Variants in ZNF438 observed in about 807,000 individuals in gnomAD.
ZNF438 encodes the protein zinc finger protein 438.
A neutral mutation model predicts 38.0 loss-of-function variants in ZNF438; 25 were observed. The observed-to-expected ratio is 0.66, with a 90% CI of 0.48 to 0.92. The LOEUF is 0.92. Ranked by LOEUF, ZNF438 falls within the 40% of genes least tolerant of loss-of-function variation. ZNF438 has a pLI of 0.00. For synonymous variants in ZNF438, 372 were observed against 364.1 expected (o/e 1.02, Z -0.25); for missense variants, 1,007 against 999.6 (o/e 1.01, Z -0.10).
intron 1 of ZNF438, among the ~76,000 whole-genome samples, chr10:30,972,797 T>C (rs1456789791): frequency 6.6e-6 from 1 of 152,206 alleles, no homozygotes; most frequent in Non-Finnish European, 1.5e-5. Flanking sequence ...ATTCAATGAT[T>C]ATGGGAGGCC....
intron 1 of ZNF438, among the ~76,000 whole-genome samples, chr10:31,005,574 C>T (rs974322149): frequency 2.0e-5 from 3 of 151,988 alleles, no homozygotes; most frequent in Non-Finnish European, 4.4e-5. Flanking sequence ...AAAGGGGTCT[C>T]GATGTCTAAT....
At chr10:30,973,026 C>G (rs1374439402) in intron 1 of ZNF438, among the ~76,000 whole-genome samples, 1 of 151,374 alleles carries the variant, frequency 6.6e-6, no homozygotes, top group African/African-American at 2.4e-5. Flanking sequence ...ATTTTTTTTT[C>G]CTTCCAGATG....
intron 4 of ZNF438, among the ~76,000 whole-genome samples, chr10:30,872,911 T>C (rs7910276): frequency 0.59 from 89,287 of 152,038 alleles, 26,475 homozygotes; most frequent in African/African-American, 0.63. Context: ...CAATGGTCAA[T>C]TGGCATAATC....
At chr10:30,953,252 T>C (rs983841633) in intron 1 of ZNF438, among the ~76,000 whole-genome samples, 8 of 150,138 alleles carry the variant, frequency 5.3e-5, no homozygotes, top group African/African-American at 2.0e-4. Flanking sequence ...GGGACTGTTG[T>C]GTGGTGGGGG....
chr10:30,927,165 C>T (rs7073562), intron 2 of ZNF438, among the ~76,000 whole-genome samples: 76,674 of 152,022 alleles, frequency 0.5, 19,766 homozygotes, highest in African/African-American at 0.59. Flanking sequence ...ACAGTCACTC[C>T]AATGCTAGCA....
intron 1 of ZNF438, among the ~76,000 whole-genome samples, chr10:30,998,903 C>A (rs2054352778): frequency 6.6e-6 from 1 of 152,104 alleles, no homozygotes; most frequent in Non-Finnish European, 1.5e-5. Flanking sequence ...TCTCTATTTC[C>A]ATACACTTTC....
At chr10:30,870,998 G>A (rs16932032) in intron 4 of ZNF438, among the ~76,000 whole-genome samples, 13 of 152,074 alleles carry the variant, frequency 8.5e-5, no homozygotes, top group African/African-American at 3.1e-4. Flanking sequence ...TCACCAGATG[G>A]AGAGGAAAGG....
chr10:30,898,401 G>A (rs2041611114), intron 3 of ZNF438, among the ~76,000 whole-genome samples: 1 of 151,992 alleles, frequency 6.6e-6, no homozygotes, highest in Admixed American at 6.5e-5. Flanking sequence ...GATCTCCTTT[G>A]CCCTTAAAGG....
chr10:30,847,237 T>C (rs2032391241), intron 5 of ZNF438, among the ~76,000 whole-genome samples: 1 of 152,204 alleles, frequency 6.6e-6, no homozygotes, highest in Non-Finnish European at 1.5e-5. Flanking sequence ...GGTGCTTTTC[T>C]GGGTCTGTCC....
intron 1 of ZNF438, among the ~76,000 whole-genome samples, chr10:30,976,037 G>A (rs2051305589): frequency 6.6e-6 from 1 of 151,910 alleles, no homozygotes. Flanking sequence ...AATGATAGGT[G>A]TCATATAAAT....
Position 30,849,246 on chromosome 10 carries a change from G to A in ZNF438, c.1159C>T (p.Arg387Trp), listed in dbSNP as rs767201119. The A allele has an allele frequency of 6.6e-5, 107 of 1,613,722 alleles. No individual in the cohort carries two copies. The highest frequency in any genetic ancestry group is 4.2e-4 in the Admixed American group (25 of 59,966). Reference sequence around the variant, plus strand: ...GCCAAAATTTCATCTGGTACCTTCCGTTTTCTTCCTTTTCTCTTTGCTGCT... The same window carrying A: ...GCCAAAATTTCATCTGGTACCTTCCATTTTCTTCCTTTTCTCTTTGCTGCT... Residue 387 changes from arginine to tryptophan, a missense_variant, in exon 5 of 6, where the codon CGG becomes TGG. Coordinates refer to ENST00000413025, the Ensembl canonical transcript of ZNF438.
intron 1 of ZNF438, among the ~76,000 whole-genome samples, chr10:30,953,708 G>T (rs2048525355): frequency 6.6e-6 from 1 of 151,390 alleles, no homozygotes; most frequent in Non-Finnish European, 1.5e-5. Context: ...TTTGGGACCA[G>T]AGGTGAGCAG....
intron 1 of ZNF438, among the ~76,000 whole-genome samples, chr10:30,977,847 G>A (rs1192498827): frequency 6.6e-6 from 1 of 151,962 alleles, no homozygotes; most frequent in Non-Finnish European, 1.5e-5. Context: ...GCCGGGCATG[G>A]TGGCGGGCAC....
chr10:30,905,366 T>G (rs1194148920), intron 3 of ZNF438, among the ~76,000 whole-genome samples: 1 of 152,242 alleles, frequency 6.6e-6, no homozygotes, highest in Non-Finnish European at 1.5e-5. Flanking sequence ...ACTAACGACG[T>G]TGCACATCTT....
intron 3 of ZNF438, among the ~76,000 whole-genome samples, chr10:30,908,358 T>G (rs1564621778): frequency 1.3e-5 from 2 of 152,218 alleles, no homozygotes; most frequent in Non-Finnish European, 2.9e-5. Context: ...AGTGGAGTAT[T>G]CTACAGATGT....
chr10:30,891,177 TTTC>T (rs1201134787), intron 3 of ZNF438, among the ~76,000 whole-genome samples: 1 of 152,218 alleles, frequency 6.6e-6, no homozygotes, highest in African/African-American at 2.4e-5. Context: ...CCTGGGATAT[TTTC>T]TTCAATTATT....
intron 1 of ZNF438, among the ~76,000 whole-genome samples, chr10:31,002,136 A>C (rs1355987228): frequency 6.6e-6 from 1 of 152,226 alleles, no homozygotes; most frequent in Admixed American, 6.5e-5. Context: ...ATTTCCTTAA[A>C]GCCTCTCCAG....
At chr10:31,027,027 G>A (rs2793115) in intron 1 of ZNF438, among the ~76,000 whole-genome samples, 112,991 of 150,872 alleles carry the variant, frequency 0.75, 42,884 homozygotes, top group African/African-American at 0.83. Flanking sequence ...TCACTCACAG[G>A]TGGGAATTGA....
At chr10:30,887,408 T>A (rs1013670823) in intron 3 of ZNF438, among the ~76,000 whole-genome samples, 2 of 152,120 alleles carry the variant, frequency 1.3e-5, no homozygotes, top group African/African-American at 4.8e-5. Flanking sequence ...AGTCTCACAC[T>A]GTTGCCCAGG....
Sources: gnomAD v4.1 joint callset for allele counts (sites outside exome capture counted in the v4.1 genomes callset) on GRCh38, gnomAD v4.1.1 for gene constraint, MANE v1.5 for transcripts, NCBI Gene and HGNC (gene_info 2026-07-23, HGNC 2026-07-21) for gene names.